FGF14: variants seen among roughly 807,000 people sequenced by gnomAD.
The protein encoded by FGF14 is fibroblast growth factor 14.
In FGF14, 5 loss-of-function variants were observed where a neutral mutation model predicts 25.5. The ratio of observed to expected loss-of-function variants is 0.20; its 90% CI spans 0.10 to 0.41. FGF14 has a LOEUF of 0.41. Among genes scored for constraint, FGF14 ranks in the 10% least tolerant of loss-of-function variants. The pLI, the probability that FGF14 is intolerant of heterozygous loss-of-function variation, is 1.00. For synonymous variants in FGF14, 138 were observed against 118.3 expected (o/e 1.17, Z -1.08); for missense variants, 222 against 320.1 (o/e 0.69, Z 2.34).
At chr13:102,099,903 C>T (rs2044579772) in intron 1 of FGF14, among the ~76,000 whole-genome samples, 1 of 152,042 alleles carries the variant, frequency 6.6e-6, no homozygotes, top group Non-Finnish European at 1.5e-5. Flanking sequence ...TAATTCTTTT[C>T]CCTGGAATAT....
upstream of FGF14, among the ~76,000 whole-genome samples, chr13:101,920,009 T>C (rs536456361): frequency 2.0e-5 from 3 of 152,304 alleles, no homozygotes; most frequent in Non-Finnish European, 4.4e-5. Context: ...GGGGGCAGCA[T>C]TGGGATAATC....
chr13:101,981,000 G>T lies in FGF14; in HGVS notation c.209-105704C>A, dbSNP rs191451697. On this transcript the variant is annotated intron_variant, in intron 1 of 4. Transcript: ENST00000376131. ...CTCAAGCCTGTAATCCTAAGACTTT[G>T]GGAGGCTGAGGTGGGTGGATTGCCT... is the stretch of plus-strand genomic sequence containing the variant. Among the ~76,000 whole-genome samples, 206 of 151,276 alleles carry T rather than the reference G, an allele frequency of 1.4e-3. 1 individual carries two copies. Among genetic ancestry groups the T allele is most frequent in the African/African-American group, 4.8e-3 (198 of 41,280 alleles).
chr13:102,164,798 A>G (rs1369163600), intron 1 of FGF14, among the ~76,000 whole-genome samples: 2 of 152,196 alleles, frequency 1.3e-5, no homozygotes, highest in East Asian at 1.9e-4. Context: ...AGAAAGTTCT[A>G]TTGGACAGTG....
At chr13:101,922,688 C>A (rs1232238945) in intron 1 of FGF14, among the ~76,000 whole-genome samples, 1 of 151,732 alleles carries the variant, frequency 6.6e-6, no homozygotes, top group Non-Finnish European at 1.5e-5. Context: ...CAAGAAACAG[C>A]CTTATTGAAA....
chr13:101,875,009 C>A (rs1456095824), intron 2 of FGF14, among the ~76,000 whole-genome samples, 177 bp downstream of exon 2: 3 of 152,218 alleles, frequency 2.0e-5, no homozygotes, highest in South Asian at 4.1e-4. Flanking sequence ...TTTGGTTACT[C>A]CATTAATATT....
Position 101,971,763 on chromosome 13 carries a change from A to T in FGF14, c.209-96467T>A, listed in dbSNP as rs545266742. 5.9e-5 allele frequency among the ~76,000 whole-genome samples: 9 copies of T among 152,372 alleles called. No homozygotes were observed. The East Asian group carries it at 1.5e-3, about 26-fold the overall frequency. On this transcript the variant is annotated intron_variant, in intron 1 of 4. Transcript: ENST00000376131. ...AAATAAACCACTTGGGCCACCTAGG[A>T]TGTGTCAGAGTTGGTATCTGACTCT...
chr13:102,192,480 C>A (rs1262120877), intron 1 of FGF14, among the ~76,000 whole-genome samples: 1 of 152,122 alleles, frequency 6.6e-6, no homozygotes, highest in Non-Finnish European at 1.5e-5. Flanking sequence ...TAGAGATAGG[C>A]TGAAAACTTT....
intron 1 of FGF14, among the ~76,000 whole-genome samples, chr13:102,360,102 T>C (rs1296728898): frequency 2.0e-5 from 3 of 152,180 alleles, no homozygotes; most frequent in African/African-American, 7.2e-5. Context: ...ATTTGCCCCT[T>C]CAGCCATTCT....
At chr13:101,794,685 T>A (rs2040422642) in intron 3 of FGF14, among the ~76,000 whole-genome samples, 1 of 152,086 alleles carries the variant, frequency 6.6e-6, no homozygotes, top group Non-Finnish European at 1.5e-5. Flanking sequence ...CATGCTATAT[T>A]CAACTGAATA....
At position 102,020,438 on chromosome 13, in the gene FGF14, C is replaced by T. The variant is rs1298109915; in HGVS notation, c.209-145142G>A. Among the ~76,000 whole-genome samples the T allele has an allele frequency of 2.0e-5, 3 of 151,960 alleles. No homozygotes were observed. The East Asian group carries it at 5.8e-4, about 30-fold the overall frequency. ...TGGTGCATGCCTGTAATCCCAGCTA[C>T]TTGGGAGCCTGAGGCAGGAGAATCG... On this transcript the variant is annotated intron_variant, in intron 1 of 4. Coordinates refer to the FGF14 transcript ENST00000376131.
chr13:102,173,516 A>T (rs955921842), intron 1 of FGF14, among the ~76,000 whole-genome samples: 4 of 152,174 alleles, frequency 2.6e-5, no homozygotes, highest in Non-Finnish European at 5.9e-5. Flanking sequence ...TCTTGAAGAG[A>T]TATCTGCACT....
At chr13:101,823,938 GCA>G (rs2042283885) in intron 3 of FGF14, among the ~76,000 whole-genome samples, 1 of 151,316 alleles carries the variant, frequency 6.6e-6, no homozygotes. Context: ...TAATATTTAT[GCA>G]CACATTTAAA....
chr13:101,971,172 C>G (rs1440429118), intron 1 of FGF14, among the ~76,000 whole-genome samples: 1 of 151,928 alleles, frequency 6.6e-6, no homozygotes, highest in Non-Finnish European at 1.5e-5. Context: ...AGTGATGTTT[C>G]CAGTTACTTA....
intron 1 of FGF14, among the ~76,000 whole-genome samples, chr13:102,377,627 G>A (rs1368586090): frequency 6.6e-6 from 1 of 152,114 alleles, no homozygotes. Flanking sequence ...TGACCAACAT[G>A]GAGAAACCCC....
chr13:101,917,361 G>A (rs567313115), upstream of FGF14, among the ~76,000 whole-genome samples: 17 of 152,192 alleles, frequency 1.1e-4, no homozygotes, highest in South Asian at 3.3e-3. Flanking sequence ...AAACGTATAG[G>A]TAATAATGAT....
chr13:101,939,791 G>A (rs1232801094), intron 1 of FGF14, among the ~76,000 whole-genome samples: 1 of 151,892 alleles, frequency 6.6e-6, no homozygotes, highest in Admixed American at 6.6e-5. Flanking sequence ...CTAGTTTATT[G>A]GAAAAAAGTT....
At chr13:101,868,925 C>T in intron 2 of FGF14, 97 bp from the exon 3 acceptor site, 1 of 811,770 alleles carries the variant, frequency 1.2e-6, no homozygotes, top group Non-Finnish European at 2.1e-6. Flanking sequence ...GAAACATCAT[C>T]TTTGCCAATA....
At chr13:102,380,173 G>A (rs1486202195) in intron 1 of FGF14, among the ~76,000 whole-genome samples, 1 of 152,006 alleles carries the variant, frequency 6.6e-6, no homozygotes, top group African/African-American at 2.4e-5. Context: ...TCATGGAACT[G>A]ACATTCCATG....
intron 1 of FGF14, among the ~76,000 whole-genome samples, chr13:102,033,295 GTAAAA>G (rs998488643): frequency 1.3e-5 from 2 of 152,056 alleles, no homozygotes; most frequent in African/African-American, 4.8e-5. Context: ...TACAAATAAA[GTAAAA>G]TAAAATAACA....
Sources: allele counts gnomAD v4.1 joint callset (sites outside exome capture counted in the v4.1 genomes callset), GRCh38; gene constraint gnomAD v4.1.1; transcripts MANE v1.5; gene names NCBI Gene and HGNC (gene_info 2026-07-23, HGNC 2026-07-21).